Variants in ZSCAN25 observed in about 807,000 individuals in gnomAD.
The protein encoded by ZSCAN25 is zinc finger and SCAN domain-containing protein 25.
ZSCAN25 carries 27 observed loss-of-function variants against 38.7 expected under a neutral mutation model. The observed-to-expected ratio is 0.70, with a 90% CI of 0.51 to 0.96. The LOEUF (loss-of-function observed/expected upper bound fraction) is 0.96, where lower values mean the gene tolerates loss of function less well. Among genes scored for constraint, ZSCAN25 ranks in the 40% least tolerant of loss-of-function variants. The pLI is 0.00. For synonymous variants in ZSCAN25, 273 were observed against 277.7 expected (o/e 0.98, Z 0.17); for missense variants, 637 against 705.9 (o/e 0.90, Z 1.11).
chr7:99,688,108 A>G, the ZSCAN25 span, among the ~76,000 whole-genome samples: 4,696 of 152,306 alleles, frequency 0.031, 225 homozygotes, highest in African/African-American at 0.11. Context: ...AAAAAAATGC[A>G]TCAACTAACG....
At chr7:99,652,397 G>T in the ZSCAN25 span, 5 of 544,910 alleles carry the variant, frequency 9.2e-6, no homozygotes, top group African/African-American at 3.8e-5. Flanking sequence ...TCTAGTCTGT[G>T]GTTTGTAAAG....
chr7:99,665,395 A>G, the ZSCAN25 span: 1 of 1,548,404 alleles, frequency 6.5e-7, no homozygotes, highest in South Asian at 1.1e-5. Context: ...AAACCCACAT[A>G]TCCAGTCAAG....
chr7:99,634,547 T>C (rs1173377908), downstream of ZSCAN25, among the ~76,000 whole-genome samples: 1 of 152,170 alleles, frequency 6.6e-6, no homozygotes, highest in East Asian at 1.9e-4. Context: ...CCCAGCACTT[T>C]GGGAGTCCGA....
At chr7:99,710,942 T>G in the ZSCAN25 span, 1 of 1,612,684 alleles carries the variant, frequency 6.2e-7, no homozygotes, top group Admixed American at 1.7e-5. Context: ...ATGTAGGGCA[T>G]CACAGTTTAG....
the ZSCAN25 span, among the ~76,000 whole-genome samples, chr7:99,670,078 G>A: frequency 6.6e-6 from 1 of 152,176 alleles, no homozygotes; most frequent in Non-Finnish European, 1.5e-5. Context: ...TTCCTTAAAA[G>A]TATGGATGCT....
chr7:99,639,117 A>G, the ZSCAN25 span, among the ~76,000 whole-genome samples: 1 of 152,338 alleles, frequency 6.6e-6, no homozygotes, highest in East Asian at 1.9e-4. Flanking sequence ...GTAACAATCA[A>G]AGATGTTTCT....
chr7:99,726,215 T>C, the ZSCAN25 span, among the ~76,000 whole-genome samples: 3 of 152,024 alleles, frequency 2.0e-5, no homozygotes, highest in East Asian at 3.8e-4. Flanking sequence ...CCCATTACTA[T>C]CCCATTAAAG....
the ZSCAN25 span, among the ~76,000 whole-genome samples, chr7:99,661,171 ACTGAGCTACAGATCACCT>A: frequency 1.1e-4 from 16 of 152,196 alleles, no homozygotes; most frequent in African/African-American, 3.9e-4. Context: ...AAGGACCAAT[ACTGAGCTACAGATCACCT>A]CTTGCTACTC....
the ZSCAN25 span, among the ~76,000 whole-genome samples, chr7:99,686,529 C>T: frequency 6.6e-6 from 1 of 152,222 alleles, no homozygotes; most frequent in Non-Finnish European, 1.5e-5. Context: ...GGGTGGAGCC[C>T]ACCACGGCTC....
chr7:99,627,518 GC>G (rs1184466557), intron 7 of ZSCAN25, among the ~76,000 whole-genome samples: 2 of 152,012 alleles, frequency 1.3e-5, no homozygotes, highest in African/African-American at 4.8e-5. Context: ...ATAAACTACA[GC>G]TTCACACCAT....
At chr7:99,627,256 A>C (rs1407248862) in intron 7 of ZSCAN25, among the ~76,000 whole-genome samples, 1 of 152,258 alleles carries the variant, frequency 6.6e-6, no homozygotes, top group African/African-American at 2.4e-5. Flanking sequence ...ATCTAAGAAA[A>C]TAAACATAAA....
chr7:99,729,126 G>A, the ZSCAN25 span, among the ~76,000 whole-genome samples: 1 of 152,132 alleles, frequency 6.6e-6, no homozygotes, highest in African/African-American at 2.4e-5. Flanking sequence ...TTCTAACTGG[G>A]TGTCTTAGCT....
At chr7:99,707,937 T>C in the ZSCAN25 span, 1 of 1,614,008 alleles carries the variant, frequency 6.2e-7, no homozygotes, top group Non-Finnish European at 8.5e-7. Context: ...GGTGTGTATA[T>C]GTAAGGATCT....
chr7:99,668,756 C>T, the ZSCAN25 span, among the ~76,000 whole-genome samples: 1 of 152,344 alleles, frequency 6.6e-6, no homozygotes, highest in East Asian at 1.9e-4. Context: ...AGGCAGAGCG[C>T]TGCTGTACAC....
chr7:99,636,463 C>A (rs761512804), downstream of ZSCAN25, among the ~76,000 whole-genome samples: 2 of 152,120 alleles, frequency 1.3e-5, no homozygotes, highest in African/African-American at 4.8e-5. Flanking sequence ...TATAGTCTTA[C>A]ACTTCTCATA....
chr7:99,631,312 A>C lies in ZSCAN25; in HGVS notation c.*1292A>C. On this transcript the variant is annotated 3_prime_UTR_variant, in exon 8 of 8. Transcript: ENST00000394152. The stretch of plus-strand genomic sequence containing the variant: ...ATGAGCTGGTAGCGACCTGTTTTGC[A>C]TGAGTGCCAAGTCAGGAAAAATAAA... 1 of 985,418 alleles carries C rather than the reference A, an allele frequency of 1.0e-6. No homozygotes were observed. The highest frequency in any genetic ancestry group is 4.7e-5 in the South Asian group (1 of 21,292). 61.0% of individuals were successfully genotyped at this position (985,418 alleles called of 1,614,324 possible).
At chr7:99,694,577 G>A in the ZSCAN25 span, among the ~76,000 whole-genome samples, 5 of 134,862 alleles carry the variant, frequency 3.7e-5, no homozygotes, top group Admixed American at 6.9e-5. Context: ...TCCCAGGAAT[G>A]TTTATCTTGG....
At chr7:99,682,381 C>T in the ZSCAN25 span, among the ~76,000 whole-genome samples, 2 of 152,232 alleles carry the variant, frequency 1.3e-5, no homozygotes, top group African/African-American at 4.8e-5. Context: ...CCAGAAGAGA[C>T]TGTCTTTTCC....
the ZSCAN25 span, chr7:99,676,049 T>G: frequency 7.0e-7 from 1 of 1,433,610 alleles, no homozygotes; most frequent in Non-Finnish European, 9.8e-7. Context: ...AGGGGCATTT[T>G]TACTGATGGA....
Sources: gnomAD v4.1 joint callset for allele counts (sites outside exome capture counted in the v4.1 genomes callset) on GRCh38, gnomAD v4.1.1 for gene constraint, MANE v1.5 for transcripts, NCBI Gene and HGNC (gene_info 2026-07-23, HGNC 2026-07-21) for gene names.